LOC122539214: variants seen among roughly 807,000 people sequenced by gnomAD.
chr19:52,663,910 C>T, the LOC122539214 span, among the ~76,000 whole-genome samples: 3 of 152,282 alleles, frequency 2.0e-5, no homozygotes, highest in South Asian at 2.1e-4. Context: ...TTTATTGAGA[C>T]GGAGTCTCGC....
At chr19:52,687,561 T>TTA in the LOC122539214 span, among the ~76,000 whole-genome samples, 806 of 21,658 alleles carry the variant, frequency 0.037, 17 homozygotes, top group African/African-American at 0.066. Context: ...TGTGTAAATT[T>TTA]TATATATATA....
the LOC122539214 span, among the ~76,000 whole-genome samples, chr19:52,669,213 G>A: frequency 6.6e-6 from 1 of 152,062 alleles, no homozygotes; most frequent in Admixed American, 6.6e-5. Flanking sequence ...CCAGAGAAAG[G>A]AAAAATAAGA....
At chr19:52,677,321 A>C in the LOC122539214 span, among the ~76,000 whole-genome samples, 11 of 148,324 alleles carry the variant, frequency 7.4e-5, no homozygotes, top group East Asian at 4.2e-4. Context: ...AAAAAAAAAA[A>C]AAAAAAAAAC....
the LOC122539214 span, among the ~76,000 whole-genome samples, chr19:52,686,461 T>TATAC: frequency 5.2e-3 from 78 of 15,050 alleles, 3 homozygotes; most frequent in South Asian, 0.11. Flanking sequence ...AAAAATTACA[T>TATAC]ATATATATAT....
chr19:52,679,556 A>G, the LOC122539214 span, among the ~76,000 whole-genome samples: 12 of 152,330 alleles, frequency 7.9e-5, no homozygotes. Flanking sequence ...GGTTGCAATG[A>G]GCACAGATTG....
chr19:52,673,521 A>C, the LOC122539214 span, among the ~76,000 whole-genome samples: 4 of 147,516 alleles, frequency 2.7e-5, no homozygotes, highest in Admixed American at 2.7e-4. Context: ...CACACACACA[A>C]AATGCTATAA....
At chr19:52,684,788 T>A in the LOC122539214 span, among the ~76,000 whole-genome samples, 3 of 151,440 alleles carry the variant, frequency 2.0e-5, no homozygotes, top group Non-Finnish European at 4.4e-5. Context: ...AAGGTTTTGG[T>A]GTTTGGGAAA....
the LOC122539214 span, among the ~76,000 whole-genome samples, chr19:52,677,786 C>T: frequency 6.6e-6 from 1 of 152,042 alleles, no homozygotes; most frequent in Non-Finnish European, 1.5e-5. Context: ...GTAGTCCCAA[C>T]ACTTTGGGAA....
chr19:52,679,567 C>T, the LOC122539214 span, among the ~76,000 whole-genome samples: 1 of 152,160 alleles, frequency 6.6e-6, no homozygotes, highest in African/African-American at 2.4e-5. Context: ...GCACAGATTG[C>T]ACCACTGCAC....
the LOC122539214 span, among the ~76,000 whole-genome samples, chr19:52,689,822 A>G: frequency 1.2e-4 from 18 of 152,182 alleles, no homozygotes; most frequent in South Asian, 1.2e-3. Context: ...TGCATCCCGG[A>G]GGAGCTTATT....
At chr19:52,689,996 G>A in the LOC122539214 span, among the ~76,000 whole-genome samples, 1 of 152,120 alleles carries the variant, frequency 6.6e-6, no homozygotes, top group African/African-American at 2.4e-5. Context: ...GGCGCCTGAG[G>A]ACAAGGGTGG....
At chr19:52,674,428 C>A in the LOC122539214 span, among the ~76,000 whole-genome samples, 1 of 151,996 alleles carries the variant, frequency 6.6e-6, no homozygotes, top group South Asian at 2.1e-4. Flanking sequence ...CTAGCCAGAG[C>A]AATGAAATAG....
the LOC122539214 span, chr19:52,653,137 T>C: frequency 3.4e-6 from 5 of 1,471,578 alleles, no homozygotes; most frequent in Non-Finnish European, 4.7e-6. Context: ...GCCACACTCA[T>C]GACAGTTGTA....
the LOC122539214 span, among the ~76,000 whole-genome samples, chr19:52,685,266 C>T: frequency 3.0e-4 from 46 of 151,978 alleles, no homozygotes; most frequent in African/African-American, 8.5e-4. Flanking sequence ...GGGCTCAGAG[C>T]GGGGACATTT....
At chr19:52,659,920 C>T in the LOC122539214 span, among the ~76,000 whole-genome samples, 6 of 152,200 alleles carry the variant, frequency 3.9e-5, no homozygotes, top group Middle Eastern at 3.4e-3. Flanking sequence ...GCTGGGTGGG[C>T]GGTAACTCAC....
chr19:52,666,550 A>C, the LOC122539214 span, among the ~76,000 whole-genome samples: 1 of 152,060 alleles, frequency 6.6e-6, no homozygotes, highest in Non-Finnish European at 1.5e-5. Flanking sequence ...AACAGAAGAA[A>C]CAGAAAAATA....
the LOC122539214 span, among the ~76,000 whole-genome samples, chr19:52,668,449 A>G: frequency 6.6e-6 from 1 of 151,970 alleles, no homozygotes; most frequent in African/African-American, 2.4e-5. Flanking sequence ...ACCACTAGCA[A>G]CTCTAACCCA....
At chr19:52,664,074 A>G in the LOC122539214 span, among the ~76,000 whole-genome samples, 2 of 152,112 alleles carry the variant, frequency 1.3e-5, no homozygotes, top group Non-Finnish European at 2.9e-5. Context: ...AGTTGAGATG[A>G]GGATTCACCA....
At chr19:52,654,187 G>A in the LOC122539214 span, 1 of 1,600,046 alleles carries the variant, frequency 6.2e-7, no homozygotes, top group Non-Finnish European at 8.6e-7. Context: ...TGTACTACCA[G>A]TCAACTTTTT....
Sources: gnomAD v4.1 joint callset for allele counts (sites outside exome capture counted in the v4.1 genomes callset) on GRCh38, gnomAD v4.1.1 for gene constraint, MANE v1.5 for transcripts.